SCHIP1: variants seen among roughly 807,000 people sequenced by gnomAD.
SCHIP1 encodes the protein schwannomin-interacting protein 1.
In SCHIP1, 8 loss-of-function variants were observed where a neutral mutation model predicts 29.7. The observed-to-expected ratio is 0.27, with a 90% confidence interval of 0.16 to 0.49. The LOEUF is 0.49. SCHIP1 is among the 20% of genes least tolerant of loss of function. The pLI, the probability that SCHIP1 is intolerant of heterozygous loss-of-function variation, is 0.99. For synonymous variants in SCHIP1, 76 were observed against 94.9 expected, an observed-to-expected ratio of 0.80 and a Z score of 1.16; for missense variants, 193 against 294.6, an observed-to-expected ratio of 0.66 and a Z score of 2.52.
the SCHIP1 span, among the ~76,000 whole-genome samples, chr3:159,728,469 C>T: frequency 6.6e-6 from 1 of 152,204 alleles, no homozygotes. Flanking sequence ...CCAGTAATGT[C>T]TTGTTAAGTT....
the SCHIP1 span, among the ~76,000 whole-genome samples, chr3:159,398,196 C>T: frequency 9.9e-5 from 15 of 152,274 alleles, no homozygotes; most frequent in Admixed American, 2.6e-4. Context: ...ACACACGGTG[C>T]GCACACCCAC....
chr3:159,420,003 A>C, the SCHIP1 span, among the ~76,000 whole-genome samples: 1 of 152,110 alleles, frequency 6.6e-6, no homozygotes, highest in Non-Finnish European at 1.5e-5. Flanking sequence ...CTGAAAACTT[A>C]TTATTTCCAC....
chr3:159,706,930 G>A, the SCHIP1 span, among the ~76,000 whole-genome samples: 5 of 152,146 alleles, frequency 3.3e-5, no homozygotes, highest in African/African-American at 9.7e-5. Context: ...TTCAGCACTC[G>A]TTATGTGTCA....
chr3:159,764,195 G>A, the SCHIP1 span: 1 of 450,214 alleles, frequency 2.2e-6, no homozygotes, highest in East Asian at 3.4e-5. This position sits in a 1 kb window ranked among gnomAD's most constrained non-coding sequence, Gnocchi z 6.1. Context: ...GTGCGCGCTG[G>A]TGGCTGGGCA....
At chr3:159,799,576 TTAAGTGTGATAATAAGGGAATATGTG>T in the SCHIP1 span, among the ~76,000 whole-genome samples, 2 of 152,110 alleles carry the variant, frequency 1.3e-5, no homozygotes, top group Non-Finnish European at 2.9e-5. Flanking sequence ...TCCAACAGGT[TTAAGTGTGATAATAAGGGAATATGTG>T]TAAGTGTGAT....
chr3:159,893,639 C>G (rs1180135932), intron 6 of SCHIP1: 1 of 152,110 alleles, frequency 6.6e-6, no homozygotes, highest in African/African-American at 2.4e-5. Context: ...CCTCTTCTCT[C>G]TAAGTGTTAG....
At chr3:159,771,351 G>A in the SCHIP1 span, among the ~76,000 whole-genome samples, 2 of 152,200 alleles carry the variant, frequency 1.3e-5, no homozygotes, top group Non-Finnish European at 1.5e-5. Flanking sequence ...ACAAAATACA[G>A]TAAAGTTTAT....
chr3:159,661,671 G>A, the SCHIP1 span, among the ~76,000 whole-genome samples: 1 of 152,256 alleles, frequency 6.6e-6, no homozygotes, highest in African/African-American at 2.4e-5. Flanking sequence ...TGGGGTTAAG[G>A]TTTCACATCT....
chr3:159,316,216 A>G, the SCHIP1 span, among the ~76,000 whole-genome samples: 1 of 152,124 alleles, frequency 6.6e-6, no homozygotes, highest in Non-Finnish European at 1.5e-5. Context: ...AGGGAAGTTT[A>G]TTAAGTATTA....
the SCHIP1 span, among the ~76,000 whole-genome samples, chr3:159,651,806 T>C: frequency 6.6e-6 from 1 of 152,202 alleles, no homozygotes; most frequent in Non-Finnish European, 1.5e-5. Flanking sequence ...ACCATAAGTA[T>C]AGCAAAATTA....
the SCHIP1 span, among the ~76,000 whole-genome samples, chr3:159,439,465 G>C: frequency 2.6e-5 from 4 of 152,052 alleles, no homozygotes; most frequent in Admixed American, 6.6e-5. Context: ...AAAACAGCAT[G>C]GGGGAAACCA....
At chr3:159,289,115 C>T in the SCHIP1 span, among the ~76,000 whole-genome samples, 26 of 152,148 alleles carry the variant, frequency 1.7e-4, no homozygotes, top group Non-Finnish European at 3.2e-4. Context: ...TCAGCATTGC[C>T]AACACCCTGG....
the SCHIP1 span, among the ~76,000 whole-genome samples, chr3:159,747,551 C>A: frequency 3.3e-5 from 5 of 152,140 alleles, no homozygotes; most frequent in Admixed American, 2.0e-4. Flanking sequence ...GGTAATCAAC[C>A]TTACCCTAAC....
At chr3:159,689,720 T>C in the SCHIP1 span, among the ~76,000 whole-genome samples, 3 of 152,226 alleles carry the variant, frequency 2.0e-5, no homozygotes, top group Admixed American at 6.5e-5. Flanking sequence ...TTCAGTATGA[T>C]ATTGGCTGTG....
chr3:159,321,050 G>A, the SCHIP1 span, among the ~76,000 whole-genome samples: 26,174 of 151,988 alleles, frequency 0.17, 2,495 homozygotes, highest in Middle Eastern at 0.28. Flanking sequence ...CTGCAACCTC[G>A]GTCTCCTGGG....
the SCHIP1 span, among the ~76,000 whole-genome samples, chr3:159,354,501 A>G: frequency 1.3e-5 from 2 of 152,230 alleles, no homozygotes; most frequent in Middle Eastern, 3.2e-3. Flanking sequence ...GGAAAGAAGA[A>G]AGCTTCATTT....
chr3:159,669,799 G>A, the SCHIP1 span, among the ~76,000 whole-genome samples: 3 of 152,152 alleles, frequency 2.0e-5, no homozygotes, highest in Non-Finnish European at 2.9e-5. Context: ...AAGAGCAAAC[G>A]CCAAGGCCCT....
At chr3:159,504,333 G>GA in the SCHIP1 span, among the ~76,000 whole-genome samples, 1 of 152,178 alleles carries the variant, frequency 6.6e-6, no homozygotes, top group African/African-American at 2.4e-5. Context: ...TCTTGCATAT[G>GA]AAGCCAGAAC....
chr3:159,505,396 T>C, the SCHIP1 span, among the ~76,000 whole-genome samples: 1 of 152,084 alleles, frequency 6.6e-6, no homozygotes, highest in South Asian at 2.1e-4. Flanking sequence ...GCCAAAACAA[T>C]TACGAAGGAG....
Sources: allele counts gnomAD v4.1 joint callset (sites outside exome capture counted in the v4.1 genomes callset), GRCh38; gene constraint gnomAD v4.1.1; non-coding constraint Gnocchi (gnomAD v3.1); transcripts MANE v1.5; gene names NCBI Gene and HGNC (gene_info 2026-07-23, HGNC 2026-07-21).